Variants in TSPAN9 observed in about 807,000 individuals in gnomAD.
TSPAN9 encodes tetraspanin 9.
In TSPAN9, 16 loss-of-function variants were observed where a neutral mutation model predicts 31.0. The ratio of observed to expected loss-of-function variants is 0.52; its 90% CI spans 0.35 to 0.78. The LOEUF (loss-of-function observed/expected upper bound fraction) is 0.78, where lower values mean the gene tolerates loss of function less well. Among genes scored for constraint, TSPAN9 ranks in the 30% least tolerant of loss-of-function variants. TSPAN9 has a pLI of 0.01. For synonymous variants in TSPAN9, 145 were observed against 121.6 expected (o/e 1.19, Z -1.27); for missense variants, 272 against 312.5 (o/e 0.87, Z 0.98).
At chr12:3,096,864 G>GT (rs564163794) in intron 2 of TSPAN9, among the ~76,000 whole-genome samples, 2,394 of 151,846 alleles carry the variant, frequency 0.016, 25 homozygotes, top group Non-Finnish European at 0.026. Context: ...GGCTAATTTT[G>GT]TTTTTTTGTA....
In TSPAN9 at chr12:3,083,635, T is replaced by G. The variant is rs2098299006; in HGVS notation, c.-84-18T>G. 6.6e-6 allele frequency: 1 copy of G among 152,230 alleles called. No homozygotes were observed. Among genetic ancestry groups the G allele is most frequent in the Non-Finnish European group, 1.5e-5 (1 of 68,052 alleles). The allele number at this position is 152,230 out of a possible 1,614,324, so 9.4% of individuals were successfully genotyped here. A position where few individuals can be genotyped will look rare whatever the true frequency, so the allele number is the denominator to read the frequency against. On this transcript the variant is annotated intron_variant, in intron 1 of 8. Transcript: ENST00000011898. Reference sequence around the variant, plus strand: ...GCTTCTTACCAAAGTGATGACCTAATTTTTTGCCTTCCTGCAGGAATATCC... The same window carrying G: ...GCTTCTTACCAAAGTGATGACCTAAGTTTTTGCCTTCCTGCAGGAATATCC...
chr12:3,246,763 C>T lies in TSPAN9; in HGVS notation c.64-31658C>T, dbSNP rs138848635. ...ATCCATCTGGTATCTTCCCCAGCTC[C>T]GCTCTCTGAATACCGCCCCACCATC... On this transcript the variant is annotated intron_variant, in intron 3 of 8. Coordinates refer to ENST00000011898, the MANE Select transcript of TSPAN9 (RefSeq NM_006675.5). Among the ~76,000 whole-genome samples the T allele has an allele frequency of 2.8e-3, 422 of 152,316 alleles. 1 individual carries two copies. The highest frequency in any genetic ancestry group is 0.01 in the Middle Eastern group (3 of 294).
intron 3 of TSPAN9, among the ~76,000 whole-genome samples, chr12:3,270,052 G>A (rs1417963181): frequency 6.6e-6 from 1 of 152,228 alleles, no homozygotes; most frequent in Non-Finnish European, 1.5e-5. Context: ...ACGTCATTTT[G>A]TGGTCCTTCT....
At chr12:3,081,253 G>T (rs554306496) in intron 1 of TSPAN9, among the ~76,000 whole-genome samples, 1 of 152,310 alleles carries the variant, frequency 6.6e-6, no homozygotes, top group South Asian at 2.1e-4. Context: ...TTTCTCTGCC[G>T]TGAGGGCCCA....
chr12:3,174,804 G>A (rs113177191), intron 2 of TSPAN9, among the ~76,000 whole-genome samples: 4,326 of 150,090 alleles, frequency 0.029, 96 homozygotes, highest in Non-Finnish European at 0.043. Flanking sequence ...GGATGGTCTC[G>A]ATCTCCTGAC....
intron 2 of TSPAN9, among the ~76,000 whole-genome samples, chr12:3,185,421 T>G (rs2098360699): frequency 6.6e-6 from 1 of 152,168 alleles, no homozygotes; most frequent in Non-Finnish European, 1.5e-5. Context: ...GGGGTCACTT[T>G]CAGAAATGGA....
intron 2 of TSPAN9, among the ~76,000 whole-genome samples, chr12:3,102,020 G>A (rs1275867853): frequency 6.6e-6 from 1 of 152,208 alleles, no homozygotes; most frequent in African/African-American, 2.4e-5. Flanking sequence ...ACCCCACTGG[G>A]TCAAGGATGG....
chr12:3,275,569 T>C lies in TSPAN9; in HGVS notation c.64-2852T>C, dbSNP rs541334795. Among the ~76,000 whole-genome samples, 14 of 152,374 alleles carry C rather than the reference T, an allele frequency of 9.2e-5. No individual in the cohort carries two copies. The South Asian group carries it at 2.9e-3, about 32-fold the overall frequency. ...AGAAAAGTCAGAGTGACTATTTGGA[T>C]GAAAGTTTCAGCCATCGCTGGCGAA... On this transcript the variant is annotated intron_variant, in intron 3 of 8. Coordinates refer to ENST00000011898, the MANE Select transcript of TSPAN9 (RefSeq NM_006675.5).
chr12:3,206,150 T>A, intron 3 of TSPAN9: 3 of 385,822 alleles, frequency 7.8e-6, no homozygotes, highest in Non-Finnish European at 1.6e-5. Flanking sequence ...TGTGCCTGGC[T>A]GCCCTTGGCT....
chr12:3,140,904 C>T (rs1027966208), intron 2 of TSPAN9, among the ~76,000 whole-genome samples: 1 of 150,164 alleles, frequency 6.7e-6, no homozygotes, highest in South Asian at 2.1e-4. Flanking sequence ...GGTGGAAGGG[C>T]GTTTGGATGT....
chr12:3,276,369 A>G (rs1426998079), intron 3 of TSPAN9, among the ~76,000 whole-genome samples: 1 of 152,224 alleles, frequency 6.6e-6, no homozygotes, highest in Non-Finnish European at 1.5e-5. Flanking sequence ...GCGAGGTCCC[A>G]GCTGGCCTGG....
intron 2 of TSPAN9, chr12:3,174,030 G>A (rs142969603): frequency 1.2e-4 from 19 of 152,380 alleles, no homozygotes; most frequent in African/African-American, 4.6e-4. Flanking sequence ...CTTGCTAGAT[G>A]ACCCTGAATA....
chr12:3,118,757 TG>T (rs2098323761), intron 2 of TSPAN9, among the ~76,000 whole-genome samples: 1 of 152,208 alleles, frequency 6.6e-6, no homozygotes, highest in African/African-American at 2.4e-5. Context: ...TTATGCTGAC[TG>T]CCAGGTAGCA....
chr12:3,145,082 C>T (rs1370996154), intron 2 of TSPAN9, among the ~76,000 whole-genome samples: 1 of 152,134 alleles, frequency 6.6e-6, no homozygotes, highest in Non-Finnish European at 1.5e-5. Flanking sequence ...AAGGTCATTC[C>T]TAGGGCTCCT....
intron 2 of TSPAN9, among the ~76,000 whole-genome samples, chr12:3,127,510 G>A (rs949581680): frequency 1.3e-5 from 2 of 151,712 alleles, no homozygotes; most frequent in East Asian, 1.9e-4. Context: ...CGCCTGCCAC[G>A]ATGCCCGGCT....
chr12:3,157,258 C>T (rs2098342737), intron 2 of TSPAN9, among the ~76,000 whole-genome samples: 1 of 152,112 alleles, frequency 6.6e-6, no homozygotes, highest in East Asian at 1.9e-4. Context: ...CGCCACCATG[C>T]CCGGCTAATT....
chr12:3,255,749 T>A (rs1323092778), intron 3 of TSPAN9, among the ~76,000 whole-genome samples: 1 of 152,234 alleles, frequency 6.6e-6, no homozygotes, highest in Non-Finnish European at 1.5e-5. Flanking sequence ...CAAACAGACA[T>A]GCTCTAGGCA....
At chr12:3,140,915 G>A (rs1192635835) in intron 2 of TSPAN9, among the ~76,000 whole-genome samples, 1 of 151,716 alleles carries the variant, frequency 6.6e-6, no homozygotes, top group East Asian at 2.0e-4. Flanking sequence ...GTTTGGATGT[G>A]TCTAGATTAA....
rs1477236462 is a variant in TSPAN9 at position 3,107,950 on chromosome 12, T to C, written c.-18+24231T>C. 6.6e-6 allele frequency among the ~76,000 whole-genome samples: 1 copy of C among 152,164 alleles called. No individual in the cohort carries two copies. Among genetic ancestry groups the C allele is most frequent in the African/African-American group, 2.4e-5 (1 of 41,410 alleles). On this transcript the variant is annotated intron_variant, in intron 2 of 8. Coordinates refer to ENST00000011898, the MANE Select transcript of TSPAN9 (RefSeq NM_006675.5). The surrounding 1 kb of genome is among the most constrained non-coding windows in gnomAD (Gnocchi z 4.1). Reference sequence around the variant, plus strand: ...CTATTTATACTTTCAACTCTATTCCTAAACCCAGTAAGAAACTCCCCAAAA... The same window carrying C: ...CTATTTATACTTTCAACTCTATTCCCAAACCCAGTAAGAAACTCCCCAAAA...
Sources: allele counts gnomAD v4.1 joint callset (sites outside exome capture counted in the v4.1 genomes callset), GRCh38; gene constraint gnomAD v4.1.1; non-coding constraint Gnocchi (gnomAD v3.1); transcripts MANE v1.5; gene names NCBI Gene and HGNC (gene_info 2026-07-23, HGNC 2026-07-21).